RNF13: variants seen among roughly 807,000 people sequenced by gnomAD.
The protein encoded by RNF13 is ring finger protein 13.
In RNF13, 19 loss-of-function variants were observed where a neutral mutation model predicts 37.7. The observed-to-expected ratio is 0.50, with a 90% confidence interval of 0.35 to 0.74. RNF13 has a LOEUF of 0.74. RNF13 is among the 30% of genes least tolerant of loss of function. The pLI is 0.01. For missense variants in RNF13, 375 were observed against 453.0 expected (o/e 0.83, Z 1.56); for synonymous variants, 144 against 157.8 (o/e 0.91, Z 0.65).
At chr3:149,858,767 T>C (rs1485588763) in intron 3 of RNF13, among the ~76,000 whole-genome samples, 2 of 152,258 alleles carry the variant, frequency 1.3e-5, no homozygotes, top group African/African-American at 4.8e-5. Context: ...ATATGATGTA[T>C]AATTTATTTC....
chr3:149,934,062 GCTATTGGT>G (rs1719444487), intron 8 of RNF13, among the ~76,000 whole-genome samples: 1 of 152,054 alleles, frequency 6.6e-6, no homozygotes, highest in African/African-American at 2.4e-5. Context: ...TTCATTACTT[GCTATTGGT>G]CTGTTCAGGC....
At chr3:149,931,786 G>T (rs1719186373) in intron 8 of RNF13, among the ~76,000 whole-genome samples, 1 of 152,062 alleles carries the variant, frequency 6.6e-6, no homozygotes, top group South Asian at 2.1e-4. Flanking sequence ...TCAAAAACTA[G>T]AACTTATTCC....
intron 4 of RNF13, among the ~76,000 whole-genome samples, chr3:149,878,066 TTATTC>T (rs1407545879): frequency 3.4e-4 from 52 of 152,300 alleles, no homozygotes; most frequent in African/African-American, 1.2e-3. Context: ...TACATGTGCT[TTATTC>T]TAATCTAATG....
chr3:149,921,223 G>A lies in RNF13; in HGVS notation c.696G>A (p.Lys232=), dbSNP rs749117485. The A allele has an allele frequency of 7.3e-7, 1 of 1,360,638 alleles. No individual in the cohort carries two copies. The highest frequency in any genetic ancestry group is 2.7e-5 in the East Asian group (1 of 37,714). 84.3% of individuals were successfully genotyped at this position (1,360,638 alleles called of 1,614,324 possible). A position where few individuals can be genotyped will look rare whatever the true frequency, so the allele number is the denominator to read the frequency against. ...AGAAACTTCCTGTACATAAATTCAAGAAAGGTAAGTATTTGTTTTCTAAAT... is the reference window on the plus strand; with the variant it reads ...AGAAACTTCCTGTACATAAATTCAAAAAAGGTAAGTATTTGTTTTCTAAAT... ...QLKKLPVHKF[K]KGDEYDVCAI... is the part of the protein sequence containing the mutation. Residue 232 remains lysine (K), a synonymous_variant, in exon 8 of 10, where the codon AAG becomes AAA. Coordinates refer to ENST00000392894, the MANE Select transcript of RNF13 (RefSeq NM_183381.3).
At chr3:149,913,498 T>C (rs879636798) in intron 7 of RNF13, among the ~76,000 whole-genome samples, 1 of 152,224 alleles carries the variant, frequency 6.6e-6, no homozygotes, top group Admixed American at 6.5e-5. Context: ...ACATTACTGT[T>C]AACTAAACTC....
At chr3:149,843,444 C>T (rs1722357779) in intron 1 of RNF13, among the ~76,000 whole-genome samples, 1 of 152,114 alleles carries the variant, frequency 6.6e-6, no homozygotes, top group Non-Finnish European at 1.5e-5. Context: ...ACATTTTCCA[C>T]AATGAGCAAG....
chr3:149,888,873 T>G (rs1481322648), intron 4 of RNF13, among the ~76,000 whole-genome samples: 1 of 152,216 alleles, frequency 6.6e-6, no homozygotes, highest in Non-Finnish European at 1.5e-5. Flanking sequence ...GATTGAAGAT[T>G]ATAGGAAATG....
intron 8 of RNF13, among the ~76,000 whole-genome samples, chr3:149,953,497 T>C (rs995063034): frequency 6.6e-6 from 1 of 152,234 alleles, no homozygotes; most frequent in African/African-American, 2.4e-5. Context: ...GTGTTAAATA[T>C]CTGAAGAAAA....
intron 8 of RNF13, among the ~76,000 whole-genome samples, chr3:149,924,894 A>G (rs1355601463): frequency 6.6e-6 from 1 of 152,214 alleles, no homozygotes; most frequent in Non-Finnish European, 1.5e-5. Context: ...GAGATTGGAT[A>G]TCTTGCACAA....
At chr3:149,941,329 A>G (rs1457591650) in intron 8 of RNF13, among the ~76,000 whole-genome samples, 1 of 152,066 alleles carries the variant, frequency 6.6e-6, no homozygotes, top group Non-Finnish European at 1.5e-5. Context: ...ACCAGTGCAC[A>G]AGGGCTCTCC....
intron 1 of RNF13, chr3:149,817,333 G>A (rs1219534253): frequency 1.3e-5 from 2 of 152,078 alleles, no homozygotes; most frequent in Non-Finnish European, 2.9e-5. Context: ...TAAGGTAGTG[G>A]GGAGGAAAAA....
chr3:149,820,331 C>T (rs1301948680), intron 1 of RNF13, among the ~76,000 whole-genome samples: 3 of 151,822 alleles, frequency 2.0e-5, no homozygotes, highest in South Asian at 2.1e-4. Context: ...GGATTACAGG[C>T]GTGAGTCACC....
Position 149,870,551 on chromosome 3 carries a change from T to C in RNF13, c.196-1478T>C, listed in dbSNP as rs146510966. ...AGTTTAATTGCTGTAATAATCATGT[T>C]GAAAAATATTTCCTACACTATATGA... On this transcript the variant is annotated intron_variant, in intron 3 of 9. Coordinates refer to ENST00000392894, the MANE Select transcript of RNF13 (RefSeq NM_183381.3). Among the ~76,000 whole-genome samples the C allele has an allele frequency of 1.2e-3, 184 of 151,984 alleles. 2 individuals are homozygous for C. The highest frequency in any genetic ancestry group is 4.1e-3 in the African/African-American group (171 of 41,550).
At chr3:149,895,334 T>G in intron 4 of RNF13, 139 bp from the exon 5 acceptor site, 2 of 554,594 alleles carry the variant, frequency 3.6e-6, no homozygotes, top group South Asian at 5.6e-5. Flanking sequence ...CAAAACAGAT[T>G]AATGCTTTGA....
At chr3:149,827,197 G>A (rs1172659470) in intron 1 of RNF13, among the ~76,000 whole-genome samples, 3 of 151,938 alleles carry the variant, frequency 2.0e-5, no homozygotes, top group Non-Finnish European at 4.4e-5. Flanking sequence ...TAAACAATAT[G>A]GTATAACAAC....
At chr3:149,845,820 A>G (rs1722590130) in intron 1 of RNF13, 191 bp from the exon 2 acceptor site, 1 of 482,252 alleles carries the variant, frequency 2.1e-6, no homozygotes, top group Non-Finnish European at 3.7e-6. Flanking sequence ...TATTGACTAA[A>G]CATGGGTGTT....
At chr3:149,850,764 A>G (rs1723053706) in intron 2 of RNF13, among the ~76,000 whole-genome samples, 1 of 152,232 alleles carries the variant, frequency 6.6e-6, no homozygotes, top group African/African-American at 2.4e-5. Flanking sequence ...GCTGGGATGA[A>G]TTAAATGTTT....
At position 149,902,069 on chromosome 3, in the gene RNF13, C is replaced by T; in HGVS notation, c.410-3C>T. ...AGAATAATTTCATTATTCTTTTATA[C>T]AGTTGAGGTACTAAAGAAAATTGAC... is the stretch of plus-strand genomic sequence containing the variant. On this transcript the variant is annotated splice_region_variant and splice_polypyrimidine_tract_variant and intron_variant, in intron 5 of 9. Coordinates refer to ENST00000392894, the MANE Select transcript of RNF13 (RefSeq NM_183381.3). 1.5e-6 allele frequency: 2 copies of T among 1,309,132 alleles called. No homozygotes were observed. Among genetic ancestry groups the T allele is most frequent in the Non-Finnish European group, 2.1e-6 (2 of 965,970 alleles). 81.1% of individuals were successfully genotyped at this position (1,309,132 alleles called of 1,614,324 possible).
chr3:149,840,362 T>C (rs1376416833), intron 1 of RNF13, among the ~76,000 whole-genome samples: 1 of 152,178 alleles, frequency 6.6e-6, no homozygotes, highest in Non-Finnish European at 1.5e-5. Context: ...AGTGTGACTT[T>C]TTTTATTATA....
Sources: allele counts gnomAD v4.1 joint callset (sites outside exome capture counted in the v4.1 genomes callset), GRCh38; gene constraint gnomAD v4.1.1; transcripts MANE v1.5; gene names NCBI Gene and HGNC (gene_info 2026-07-23, HGNC 2026-07-21).